Variants in GRM7 observed in about 807,000 individuals in gnomAD.
The protein encoded by GRM7 is metabotropic glutamate receptor 7.
Under a neutral mutation model 84.5 loss-of-function variants are expected in GRM7, and 35 were observed. The ratio of observed to expected loss-of-function variants is 0.41; its 90% CI spans 0.32 to 0.55. The LOEUF is 0.55. Among genes scored for constraint, GRM7 ranks in the 20% least tolerant of loss-of-function variants. The pLI, the probability that GRM7 is intolerant of heterozygous loss-of-function variation, is 0.19. For synonymous variants in GRM7, 487 were observed against 455.1 expected (o/e 1.07, Z -0.89); for missense variants, 1,003 against 1,194.6 (o/e 0.84, Z 2.36).
At chr3:7,517,604 G>T (rs1700440445) in intron 7 of GRM7, among the ~76,000 whole-genome samples, 1 of 152,228 alleles carries the variant, frequency 6.6e-6, no homozygotes, top group East Asian at 1.9e-4. Context: ...ATGTTGGCCA[G>T]GTTGGTCTTG....
intron 1 of GRM7, among the ~76,000 whole-genome samples, chr3:6,951,875 G>T (rs1272031074): frequency 6.6e-6 from 1 of 152,062 alleles, no homozygotes. Context: ...TTGTAGCTCT[G>T]TTTTTTGCCT....
chr3:7,272,803 G>C (rs1235513440), intron 2 of GRM7, among the ~76,000 whole-genome samples: 1 of 151,634 alleles, frequency 6.6e-6, no homozygotes, highest in Non-Finnish European at 1.5e-5. Context: ...CCAGCTCTTG[G>C]TTTTGTTGCT....
intron 4 of GRM7, among the ~76,000 whole-genome samples, chr3:7,405,177 C>A (rs1695621741): frequency 6.6e-6 from 1 of 152,028 alleles, no homozygotes; most frequent in Non-Finnish European, 1.5e-5. Flanking sequence ...ACTTTATATA[C>A]AGTAAATTTT....
intron 5 of GRM7, among the ~76,000 whole-genome samples, chr3:7,446,196 T>G (rs1424849332): frequency 6.6e-6 from 1 of 152,184 alleles, no homozygotes; most frequent in Non-Finnish European, 1.5e-5. Flanking sequence ...CCAGCACAAG[T>G]GTACACAGCT....
At position 7,659,557 on chromosome 3, in the gene GRM7, G is replaced by GA. The variant is rs141966730; in HGVS notation, c.2452-20488dup. 3.4e-3 allele frequency among the ~76,000 whole-genome samples: 525 copies of GA among 152,274 alleles called. 4 individuals carry two copies. Among genetic ancestry groups the GA allele is most frequent in the African/African-American group, 0.012 (499 of 41,552 alleles). On this transcript the variant is annotated intron_variant, in intron 8 of 9. Coordinates refer to ENST00000357716, the MANE Select transcript of GRM7 (RefSeq NM_000844.4). The stretch of plus-strand genomic sequence containing the variant: ...ATAGGTTATAAAATACATCCTGTGT[G>GA]AAAAGAAAAAGTAATCACCCATTGG...
At chr3:7,332,451 C>T (rs1376488399) in intron 4 of GRM7, among the ~76,000 whole-genome samples, 1 of 152,116 alleles carries the variant, frequency 6.6e-6, no homozygotes, top group African/African-American at 2.4e-5. Context: ...ATCGTTTTTC[C>T]AAGTAGCATA....
rs987137 is a variant in GRM7 at position 7,497,025 on chromosome 3, G to C, written c.1515+35303G>C. Among the ~76,000 whole-genome samples the C allele has an allele frequency of 2.5e-3, 375 of 147,296 alleles. 1 individual carries two copies. The highest frequency in any genetic ancestry group is 8.8e-3 in the African/African-American group (359 of 40,756). On this transcript the variant is annotated intron_variant, in intron 7 of 9. Coordinates refer to ENST00000357716, the MANE Select transcript of GRM7 (RefSeq NM_000844.4). ...CTCATAGATACTATAGAAAAATCTA[G>C]GAATAGGAATTCTGGCCCTTGCTTT... is the stretch of plus-strand genomic sequence containing the variant.
At chr3:7,621,066 C>A (rs1697334147) in intron 8 of GRM7, among the ~76,000 whole-genome samples, 1 of 152,086 alleles carries the variant, frequency 6.6e-6, no homozygotes, top group Admixed American at 6.6e-5. Flanking sequence ...GCATTTCCCA[C>A]CCCACATGAA....
At chr3:7,488,378 A>G (rs1699398751) in intron 7 of GRM7, among the ~76,000 whole-genome samples, 1 of 152,098 alleles carries the variant, frequency 6.6e-6, no homozygotes, top group Admixed American at 6.6e-5. Context: ...ATCAAAACTC[A>G]AGTTAAAGTT....
intron 2 of GRM7, among the ~76,000 whole-genome samples, chr3:7,247,618 A>AG (rs982731469): frequency 2.1e-4 from 32 of 149,828 alleles, no homozygotes; most frequent in African/African-American, 7.1e-4. Flanking sequence ...AAAAAAAAAA[A>AG]AAGAAGAAGA....
rs1020052032 is a variant in GRM7 at position 7,670,610 on chromosome 3, T to C, written c.2452-9439T>C. 7.9e-5 allele frequency among the ~76,000 whole-genome samples: 12 copies of C among 152,378 alleles called. 1 individual carries two copies. The East Asian group carries it at 2.3e-3, about 29-fold the overall frequency. On this transcript the variant is annotated intron_variant, in intron 8 of 9. Coordinates refer to ENST00000357716, the MANE Select transcript of GRM7 (RefSeq NM_000844.4). ...ATCAGTGTTTTCCACTTGATTCTTCTCTTTTTATGTTCATTAGAACTATGA... is the reference window on the plus strand; with the variant it reads ...ATCAGTGTTTTCCACTTGATTCTTCCCTTTTTATGTTCATTAGAACTATGA...
intron 8 of GRM7, among the ~76,000 whole-genome samples, chr3:7,603,669 TTTTTG>T (rs1158392450): frequency 2.0e-5 from 3 of 152,204 alleles, no homozygotes; most frequent in Admixed American, 6.6e-5. Context: ...AGTGTTAGGA[TTTTTG>T]TTTTGTTTGT....
In GRM7 at chr3:7,452,508, G is replaced by A. The variant is rs529178202; in HGVS notation, c.1175-99G>A. Reference sequence around the variant, plus strand: ...TTTATCGAAGCAGTGTTTTCTTTAAGCATAATTGAAAGTTTACTTTTAAAT... The same window carrying A: ...TTTATCGAAGCAGTGTTTTCTTTAAACATAATTGAAAGTTTACTTTTAAAT... On this transcript the variant is annotated intron_variant, in intron 5 of 9. Coordinates refer to ENST00000357716, the MANE Select transcript of GRM7 (RefSeq NM_000844.4). 41 of 828,666 alleles carry A rather than the reference G, an allele frequency of 4.9e-5. No individual in the cohort carries two copies. In the African/African-American group the frequency reaches 6.7e-4, roughly 14 times the overall value. 51.3% of individuals were successfully genotyped at this position (828,666 alleles called of 1,614,324 possible). A position where few individuals can be genotyped will look rare whatever the true frequency, so the allele number is the denominator to read the frequency against.
chr3:7,223,520 T>C (rs1287271831), intron 2 of GRM7, among the ~76,000 whole-genome samples: 1 of 27,844 alleles, frequency 3.6e-5, no homozygotes, highest in Non-Finnish European at 5.2e-5. Flanking sequence ...TAAAGAGTTC[T>C]TTATCAAAAA....
At chr3:7,353,553 G>A (rs9812013) in intron 4 of GRM7, among the ~76,000 whole-genome samples, 3,613 of 152,110 alleles carry the variant, frequency 0.024, 127 homozygotes, top group African/African-American at 0.081. Flanking sequence ...AGGGATTCAC[G>A]GGCTTAAGAA....
At chr3:7,099,301 T>C (rs568305073) in intron 1 of GRM7, among the ~76,000 whole-genome samples, 29 of 146,170 alleles carry the variant, frequency 2.0e-4, no homozygotes, top group East Asian at 6.0e-4. Flanking sequence ...TGTATATATG[T>C]ACACATGTAT....
chr3:7,178,290 T>A (rs1475306938), intron 2 of GRM7, among the ~76,000 whole-genome samples: 1 of 152,210 alleles, frequency 6.6e-6, no homozygotes, highest in Non-Finnish European at 1.5e-5. Context: ...AAGCTTTTTT[T>A]TAGGTCTTTT....
intron 4 of GRM7, among the ~76,000 whole-genome samples, chr3:7,402,059 T>G (rs931782236): frequency 6.6e-6 from 1 of 152,182 alleles, no homozygotes; most frequent in Non-Finnish European, 1.5e-5. Context: ...TGTCTTTTTT[T>G]TCTAGGACTC....
intron 2 of GRM7, among the ~76,000 whole-genome samples, chr3:7,184,170 A>T (rs907270598): frequency 6.6e-6 from 1 of 152,190 alleles, no homozygotes; most frequent in African/African-American, 2.4e-5. Flanking sequence ...TATTAGGTAC[A>T]TAATATACTA....
Sources: gnomAD v4.1 joint callset for allele counts (sites outside exome capture counted in the v4.1 genomes callset) on GRCh38, gnomAD v4.1.1 for gene constraint, MANE v1.5 for transcripts, NCBI Gene and HGNC (gene_info 2026-07-23, HGNC 2026-07-21) for gene names.